The following CTNNA2 variants were observed in gnomAD, a reference collection of about 807,000 sequenced individuals.
The protein encoded by CTNNA2 is catenin alpha 2, also known as catenin alpha-2.
Under a neutral mutation model 101.0 loss-of-function variants are expected in CTNNA2, and 42 were observed. That is an observed-to-expected ratio of 0.42 (90% confidence interval 0.32 to 0.54). CTNNA2 has a LOEUF of 0.54. Among genes scored for constraint, CTNNA2 ranks in the 20% least tolerant of loss-of-function variants. The pLI is 0.14. For synonymous variants in CTNNA2, 450 were observed against 456.4 expected (o/e 0.99, Z 0.18); for missense variants, 871 against 1,223.1 (o/e 0.71, Z 4.29).
intron 3 of CTNNA2, among the ~76,000 whole-genome samples, chr2:79,316,041 C>T (rs565032223): frequency 6.6e-6 from 1 of 151,918 alleles, no homozygotes; most frequent in African/African-American, 2.4e-5. Context: ...GTGTTTTATC[C>T]AAGAAGATTA....
chr2:79,838,547 G>A (rs148729593), intron 3 of CTNNA2, among the ~76,000 whole-genome samples: 55 of 152,156 alleles, frequency 3.6e-4, no homozygotes, highest in African/African-American at 1.3e-3. Context: ...TCTAACATAA[G>A]AACATACTCT....
intron 4 of CTNNA2, among the ~76,000 whole-genome samples, chr2:79,495,191 G>A (rs546114437): frequency 6.6e-6 from 1 of 152,132 alleles, no homozygotes; most frequent in Non-Finnish European, 1.5e-5. Context: ...ACAACCCACA[G>A]AATGGAATAA....
intron 7 of CTNNA2, among the ~76,000 whole-genome samples, chr2:80,253,026 C>T (rs1253179001): frequency 6.6e-6 from 1 of 150,958 alleles, no homozygotes; most frequent in Non-Finnish European, 1.5e-5. Flanking sequence ...TTCCCCCTTA[C>T]TTTCTACTCC....
chr2:80,515,374 C>T (rs899491963), intron 9 of CTNNA2, among the ~76,000 whole-genome samples: 1 of 152,086 alleles, frequency 6.6e-6, no homozygotes, highest in African/African-American at 2.4e-5. Flanking sequence ...TGGGAGAGAA[C>T]AGAAGAAGGA....
intron 4 of CTNNA2, among the ~76,000 whole-genome samples, chr2:79,869,493 T>C (rs1470119424): frequency 6.6e-6 from 1 of 152,218 alleles, no homozygotes; most frequent in Non-Finnish European, 1.5e-5. Flanking sequence ...CAATATTTTT[T>C]CTCAAATATA....
chr2:80,458,247 T>G lies in CTNNA2; in HGVS notation c.1290+38646T>G, dbSNP rs534487046. Among the ~76,000 whole-genome samples the G allele has an allele frequency of 1.4e-3, 207 of 152,278 alleles. 1 individual carries two copies. Among genetic ancestry groups the G allele is most frequent in the African/African-American group, 4.6e-3 (192 of 41,558 alleles). ...CCTCTGTTAGAACTGAGGGACTATATAAAAAACTTGGATGTTTCAATTATT... is the reference window on the plus strand; with the variant it reads ...CCTCTGTTAGAACTGAGGGACTATAGAAAAAACTTGGATGTTTCAATTATT... On this transcript the variant is annotated intron_variant, in intron 9 of 18. Transcript: ENST00000402739.
At chr2:80,544,348 AAGG>A (rs1477499847) in intron 9 of CTNNA2, among the ~76,000 whole-genome samples, 1 of 152,066 alleles carries the variant, frequency 6.6e-6, no homozygotes. Flanking sequence ...GCCAGAAAAC[AAGG>A]AGGCCATCAA....
At chr2:79,606,989 G>A (rs1472604183) in intron 1 of CTNNA2, among the ~76,000 whole-genome samples, 1 of 152,132 alleles carries the variant, frequency 6.6e-6, no homozygotes, top group Admixed American at 6.5e-5. Flanking sequence ...TCCAATTAAA[G>A]AGCAGAGAGT....
chr2:79,815,025 G>C (rs1374471397), intron 3 of CTNNA2, among the ~76,000 whole-genome samples: 1 of 151,962 alleles, frequency 6.6e-6, no homozygotes, highest in Non-Finnish European at 1.5e-5. Context: ...CCTAATTATT[G>C]GTGATGTTGA....
chr2:80,478,712 C>A (rs1386598865), intron 9 of CTNNA2, among the ~76,000 whole-genome samples: 1 of 151,966 alleles, frequency 6.6e-6, no homozygotes, highest in Non-Finnish European at 1.5e-5. Flanking sequence ...TTTCTGGGTT[C>A]TTTATTCTGT....
chr2:80,182,160 G>C (rs1573322816), intron 7 of CTNNA2, among the ~76,000 whole-genome samples: 1 of 152,160 alleles, frequency 6.6e-6, no homozygotes, highest in Non-Finnish European at 1.5e-5. Context: ...CTCAAAAGTA[G>C]GGAAGCAGAC....
chr2:80,244,448 C>T (rs575329886), intron 7 of CTNNA2, among the ~76,000 whole-genome samples: 1 of 152,324 alleles, frequency 6.6e-6, no homozygotes, highest in East Asian at 1.9e-4. Flanking sequence ...CTGGGGAAGC[C>T]TGGTTCTAGT....
chr2:79,610,175 C>T (rs1320965814), intron 1 of CTNNA2, among the ~76,000 whole-genome samples: 2 of 152,020 alleles, frequency 1.3e-5, no homozygotes, highest in African/African-American at 2.4e-5. Flanking sequence ...ATAATTTCAG[C>T]ATCATTGGTC....
intron 8 of CTNNA2, among the ~76,000 whole-genome samples, chr2:80,395,515 G>A (rs942842851): frequency 1.3e-5 from 2 of 152,096 alleles, no homozygotes; most frequent in Admixed American, 6.6e-5. Flanking sequence ...ACCTGTAGTG[G>A]CACAAAAGCT....
At chr2:79,275,094 A>G (rs1675178262) in intron 2 of CTNNA2, among the ~76,000 whole-genome samples, 1 of 152,040 alleles carries the variant, frequency 6.6e-6, no homozygotes, top group Non-Finnish European at 1.5e-5. Flanking sequence ...GGCTTCAGTT[A>G]TTTTCCTGAA....
chr2:80,522,569 G>C (rs1367079378), intron 9 of CTNNA2, among the ~76,000 whole-genome samples: 1 of 152,024 alleles, frequency 6.6e-6, no homozygotes, highest in Admixed American at 6.6e-5. Flanking sequence ...TTTTGTCCCC[G>C]CCCAAATCTC....
At position 80,574,382 on chromosome 2, in the gene CTNNA2, T is replaced by C. The variant is rs896989588; in HGVS notation, c.1893+68T>C. On this transcript the variant is annotated intron_variant, in intron 13 of 18. Transcript: ENST00000402739. ...GTAGGAAACTAAAGAGCTAACTGTC[T>C]TATTTATTATTTATTTTGTAATTAC... 9 of 1,435,684 alleles carry C rather than the reference T, an allele frequency of 6.3e-6. No homozygotes were observed. The African/African-American group carries it at 1.3e-4, about 20-fold the overall frequency. 88.9% of individuals were successfully genotyped at this position (1,435,684 alleles called of 1,614,324 possible).
At chr2:80,097,180 G>A (rs1005363458) in intron 7 of CTNNA2, among the ~76,000 whole-genome samples, 7 of 152,080 alleles carry the variant, frequency 4.6e-5, no homozygotes, top group South Asian at 2.1e-4. Context: ...CTTCCTTCAT[G>A]AGCTCTTTTA....
chr2:79,878,676 G>A (rs1683199037), intron 6 of CTNNA2, among the ~76,000 whole-genome samples: 1 of 152,110 alleles, frequency 6.6e-6, no homozygotes, highest in Admixed American at 6.5e-5. Context: ...TTTTGGATGG[G>A]GTTGTTTGTT....
Sources: gnomAD v4.1 joint callset for allele counts (sites outside exome capture counted in the v4.1 genomes callset) on GRCh38, gnomAD v4.1.1 for gene constraint, MANE v1.5 for transcripts, NCBI Gene and HGNC (gene_info 2026-07-23, HGNC 2026-07-21) for gene names.